The following CDYL variants were observed in gnomAD, a reference collection of about 807,000 sequenced individuals.
CDYL encodes the protein chromodomain Y-like protein.
CDYL carries 8 observed loss-of-function variants against 47.3 expected under a neutral mutation model. That is an observed-to-expected ratio of 0.17 (90% CI 0.10 to 0.31). CDYL has a LOEUF of 0.31. Ranked by LOEUF, CDYL falls within the 10% of genes least tolerant of loss-of-function variation. The probability of loss-of-function intolerance (pLI) is 1.00; values close to 1 mark genes in which losing one functional copy is unlikely to be tolerated. For synonymous variants in CDYL, 266 were observed against 265.0 expected (o/e 1.00, Z -0.04); for missense variants, 471 against 701.4 (o/e 0.67, Z 3.71).
intron 1 of CDYL, among the ~76,000 whole-genome samples, chr6:4,815,693 T>TTTA (rs1554099918): frequency 1.5e-4 from 21 of 141,908 alleles, no homozygotes; most frequent in African/African-American, 5.2e-4. Context: ...TTTTTTTTTT[T>TTTA]ACCTTTTTTT....
intron 2 of CDYL, among the ~76,000 whole-genome samples, chr6:4,723,712 A>G (rs532065542): frequency 9.8e-5 from 15 of 152,306 alleles, no homozygotes; most frequent in African/African-American, 3.1e-4. Context: ...ACCCCAAGCC[A>G]CAGAGCAGGG....
chr6:4,801,105 G>A (rs1581175101), intron 1 of CDYL, among the ~76,000 whole-genome samples: 1 of 152,012 alleles, frequency 6.6e-6, no homozygotes, highest in East Asian at 1.9e-4. Context: ...AGATTATTCT[G>A]TATTCAGGTT....
intron 2 of CDYL, among the ~76,000 whole-genome samples, chr6:4,910,138 A>G (rs536646029): frequency 1.3e-5 from 2 of 151,958 alleles, no homozygotes; most frequent in Admixed American, 1.3e-4. Context: ...TCTAAAACAT[A>G]GCGCTCAGCC....
chr6:4,900,779 G>GTGTGTGTATATGTATGTATATATA, intron 2 of CDYL, among the ~76,000 whole-genome samples: 2 of 51,706 alleles, frequency 3.9e-5, no homozygotes, highest in Admixed American at 2.0e-4. Context: ...GTATACGTGT[G>GTGTGTGTATATGTATGTATATATA]TATATATATA....
intron 1 of CDYL, among the ~76,000 whole-genome samples, chr6:4,809,945 C>T (rs932075420): frequency 2.9e-4 from 36 of 122,104 alleles, no homozygotes; most frequent in South Asian, 1.1e-3. Flanking sequence ...TAGTCCTTGG[C>T]GATATTTTGT....
intron 1 of CDYL, among the ~76,000 whole-genome samples, chr6:4,820,290 G>A (rs1422816135): frequency 6.6e-5 from 10 of 152,170 alleles, no homozygotes; most frequent in South Asian, 4.1e-4. Context: ...GAAAGTGATC[G>A]TGAAAAATAC....
At chr6:4,792,494 T>C (rs1194867542) in intron 1 of CDYL, among the ~76,000 whole-genome samples, 1 of 151,662 alleles carries the variant, frequency 6.6e-6, no homozygotes, top group Non-Finnish European at 1.5e-5. Flanking sequence ...TGCAGTGGCA[T>C]GATCTCCGCT....
In CDYL at chr6:4,811,843, C is replaced by G. The variant is rs574916314; in HGVS notation, c.24+35036C>G. Among the ~76,000 whole-genome samples, 10 of 152,212 alleles carry G rather than the reference C, an allele frequency of 6.6e-5. No individual in the cohort carries two copies. In the South Asian group the frequency reaches 1.7e-3, roughly 25 times the overall value. The stretch of plus-strand genomic sequence containing the variant: ...GGGTCTCACTGTTACCCGGGCTGGT[C>G]TGGAACATTATAAAGACTCCTGTTG... On this transcript the variant is annotated intron_variant, in intron 1 of 6. Transcript: ENST00000397588.
At chr6:4,921,524 G>A (rs2127509181) in intron 2 of CDYL, among the ~76,000 whole-genome samples, 1 of 152,160 alleles carries the variant, frequency 6.6e-6, no homozygotes, top group South Asian at 2.1e-4. Context: ...CTGAGCCCTG[G>A]AAGATCTTTC....
chr6:4,842,119 T>C (rs1300542282), intron 1 of CDYL, among the ~76,000 whole-genome samples: 2 of 143,836 alleles, frequency 1.4e-5, no homozygotes, highest in African/African-American at 2.5e-5. Context: ...TATTTATATA[T>C]AAACTTGTTA....
intron 1 of CDYL, among the ~76,000 whole-genome samples, chr6:4,876,589 A>G (rs533491628): frequency 1.3e-5 from 2 of 152,310 alleles, no homozygotes; most frequent in Admixed American, 1.3e-4. Context: ...TCATCACTTC[A>G]AAAAATGTTT....
intron 1 of CDYL, among the ~76,000 whole-genome samples, chr6:4,810,881 G>A (rs1759508864): frequency 6.6e-6 from 1 of 152,218 alleles, no homozygotes; most frequent in Non-Finnish European, 1.5e-5. Context: ...TAACCTTTTA[G>A]TACCATCATA....
chr6:4,710,081 G>C (rs1195433312), intron 1 of CDYL, among the ~76,000 whole-genome samples: 1 of 152,040 alleles, frequency 6.6e-6, no homozygotes, highest in Admixed American at 6.6e-5. Context: ...GATTAGCTGG[G>C]CGTGGTGGCA....
At chr6:4,865,352 A>T (rs1581221803) in intron 1 of CDYL, among the ~76,000 whole-genome samples, 1 of 152,090 alleles carries the variant, frequency 6.6e-6, no homozygotes, top group African/African-American at 2.4e-5. Flanking sequence ...GTGCGGTCCA[A>T]CCCTAGCCAA....
intron 1 of CDYL, chr6:4,706,327 T>C (rs1757044951): frequency 6.6e-6 from 1 of 152,172 alleles, no homozygotes; most frequent in South Asian, 2.1e-4. Flanking sequence ...AACCAAAAGC[T>C]TCACTCTCAT....
chr6:4,911,435 A>G lies in CDYL; in HGVS notation c.691+19056A>G, dbSNP rs562008731. The stretch of plus-strand genomic sequence containing the variant: ...AACTGTGCACGGTAATGAGACTTGA[A>G]AAACAGTTTTGCCCTAGGTCATTAG... On this transcript the variant is annotated intron_variant, in intron 2 of 6. Transcript: ENST00000397588. Among the ~76,000 whole-genome samples the G allele has an allele frequency of 5.3e-5, 8 of 152,314 alleles. 1 individual carries two copies. Among genetic ancestry groups the G allele is most frequent in the African/African-American group, 1.9e-4 (8 of 41,570 alleles).
chr6:4,776,821 C>G lies in CDYL; in HGVS notation c.24+14C>G, dbSNP rs915092399. 7 of 1,030,606 alleles carry G rather than the reference C, an allele frequency of 6.8e-6. No homozygotes were observed. The highest frequency in any genetic ancestry group is 7.1e-6 in the Non-Finnish European group (6 of 845,020). The allele number at this position is 1,030,606 out of a possible 1,614,324, so 63.8% of individuals were successfully genotyped here. On this transcript the variant is annotated intron_variant, in intron 1 of 6. Coordinates refer to ENST00000397588, the MANE Select transcript of CDYL (RefSeq NM_004824.4). ...GAGCTGTACGAGGTACCTCCCCTCCCCCCGGCCTCGGGCCGCCCCCCGCCC... is the reference window on the plus strand; with the variant it reads ...GAGCTGTACGAGGTACCTCCCCTCCGCCCGGCCTCGGGCCGCCCCCCGCCC...
chr6:4,853,885 G>A (rs925753864), intron 1 of CDYL, among the ~76,000 whole-genome samples: 2 of 152,120 alleles, frequency 1.3e-5, no homozygotes, highest in African/African-American at 2.4e-5. Flanking sequence ...GTGTGCTCCC[G>A]TGCCTTCGCA....
In CDYL at chr6:4,871,794, A is replaced by G. The variant is rs139291362; in HGVS notation, c.25-19919A>G. 3.8e-3 allele frequency among the ~76,000 whole-genome samples: 576 copies of G among 152,346 alleles called. 4 individuals are homozygous for G. Among genetic ancestry groups the G allele is most frequent in the South Asian group, 6.8e-3 (33 of 4,826 alleles). ...CTCACAAAAACTGCTAAGTACCCCT[A>G]GTCTGTCTGACACTCATCTTCTGAT... On this transcript the variant is annotated intron_variant, in intron 1 of 6. Coordinates refer to ENST00000397588, the MANE Select transcript of CDYL (RefSeq NM_004824.4).
Sources: allele counts gnomAD v4.1 joint callset (sites outside exome capture counted in the v4.1 genomes callset), GRCh38; gene constraint gnomAD v4.1.1; transcripts MANE v1.5; gene names NCBI Gene and HGNC (gene_info 2026-07-23, HGNC 2026-07-21).